ADAMTSL3: variants seen among roughly 807,000 people sequenced by gnomAD.
The protein encoded by ADAMTSL3 is ADAMTS like 3, also known as ADAMTS-like protein 3.
ADAMTSL3 carries 128 observed loss-of-function variants against 201.7 expected under a neutral mutation model. The observed-to-expected ratio is 0.63, with a 90% confidence interval of 0.55 to 0.73. The LOEUF (loss-of-function observed/expected upper bound fraction) is 0.73. Among genes scored for constraint, ADAMTSL3 ranks in the 30% least tolerant of loss-of-function variants. The pLI is 0.00. For missense variants in ADAMTSL3, 1,990 were observed against 2,119.6 expected, an observed-to-expected ratio of 0.94 and a Z score of 1.20; for synonymous variants, 738 against 748.4, an observed-to-expected ratio of 0.99 and a Z score of 0.23.
chr15:84,016,577 G>A, intron 25 of ADAMTSL3, 78 bp downstream of exon 25: 1 of 1,233,206 alleles, frequency 8.1e-7, no homozygotes, highest in Non-Finnish European at 1.2e-6. Flanking sequence ...AAGACCATCT[G>A]TATTTTTCAC....
intron 2 of ADAMTSL3, among the ~76,000 whole-genome samples, chr15:83,657,442 C>T (rs548308969): frequency 2.0e-5 from 3 of 152,292 alleles, no homozygotes; most frequent in South Asian, 2.1e-4. Flanking sequence ...TCATCATTCA[C>T]GCCACTCACT....
At chr15:83,701,612 G>T (rs1460274150) in intron 2 of ADAMTSL3, among the ~76,000 whole-genome samples, 1 of 152,192 alleles carries the variant, frequency 6.6e-6, no homozygotes, top group East Asian at 1.9e-4. Context: ...TCATGGCAGT[G>T]AATAAGTCTC....
chr15:83,671,708 CT>C (rs2061331719), intron 2 of ADAMTSL3, among the ~76,000 whole-genome samples: 1 of 152,188 alleles, frequency 6.6e-6, no homozygotes, highest in Non-Finnish European at 1.5e-5. Flanking sequence ...TTCTCTCCCT[CT>C]GCTTTTGCAC....
chr15:83,852,405 C>G (rs989374981), intron 7 of ADAMTSL3, among the ~76,000 whole-genome samples: 1 of 152,172 alleles, frequency 6.6e-6, no homozygotes, highest in African/African-American at 2.4e-5. Context: ...TGAGCCACTG[C>G]ACCCAGTTGG....
At chr15:83,719,449 CA>C (rs759456568) in intron 3 of ADAMTSL3, among the ~76,000 whole-genome samples, 5 of 152,158 alleles carry the variant, frequency 3.3e-5, no homozygotes, top group Non-Finnish European at 7.4e-5. Context: ...AAACCTACGA[CA>C]ACACTCTTTA....
chr15:83,686,812 C>T (rs2061542739), intron 2 of ADAMTSL3, among the ~76,000 whole-genome samples: 1 of 152,090 alleles, frequency 6.6e-6, no homozygotes, highest in African/African-American at 2.4e-5. Flanking sequence ...AGAACTACTC[C>T]AGGATCTTAT....
At chr15:83,744,321 A>T (rs1010757125) in intron 3 of ADAMTSL3, among the ~76,000 whole-genome samples, 1 of 152,124 alleles carries the variant, frequency 6.6e-6, no homozygotes. Context: ...ATTTTTTTCT[A>T]ATTTACATAC....
chr15:83,677,245 T>C (rs1378868056), intron 2 of ADAMTSL3, among the ~76,000 whole-genome samples: 5 of 152,234 alleles, frequency 3.3e-5, no homozygotes, highest in Non-Finnish European at 5.9e-5. Flanking sequence ...AAATGTGTAT[T>C]CTGCTGTTGT....
At chr15:83,719,930 A>C (rs1340042805) in intron 3 of ADAMTSL3, among the ~76,000 whole-genome samples, 2 of 152,150 alleles carry the variant, frequency 1.3e-5, no homozygotes, top group African/African-American at 4.8e-5. Context: ...TCAAGAGAAA[A>C]AATATTTGGC....
intron 4 of ADAMTSL3, among the ~76,000 whole-genome samples, chr15:83,801,651 A>AATATAAATATATAT (rs1555445598): frequency 2.6e-4 from 8 of 31,246 alleles, no homozygotes; most frequent in East Asian, 9.0e-4. Flanking sequence ...TATAAATATA[A>AATATAAATATATAT]ATATATATAT....
chr15:83,701,117 C>G (rs1207918744), intron 2 of ADAMTSL3, among the ~76,000 whole-genome samples: 1 of 152,132 alleles, frequency 6.6e-6, no homozygotes, highest in Non-Finnish European at 1.5e-5. Context: ...TAGAGTAACA[C>G]CTGTGGCCTC....
chr15:83,837,208 C>T (rs958476024), intron 6 of ADAMTSL3, among the ~76,000 whole-genome samples: 6 of 150,174 alleles, frequency 4.0e-5, no homozygotes, highest in Admixed American at 1.3e-4. Flanking sequence ...ATAATGACAG[C>T]GGTGGAGATA....
At chr15:84,009,146 T>A (rs541530870) in intron 23 of ADAMTSL3, among the ~76,000 whole-genome samples, 10 of 152,250 alleles carry the variant, frequency 6.6e-5, no homozygotes, top group Admixed American at 1.3e-4. Flanking sequence ...GAAACACAAG[T>A]CAGCTCATGC....
rs542022234 is a variant in ADAMTSL3 at position 83,819,693 on chromosome 15, G to T, written c.364-118G>T. 2.8e-4 allele frequency: 194 copies of T among 699,722 alleles called. 2 individuals are homozygous for T. The South Asian group carries it at 3.1e-3, about 11-fold the overall frequency. 43.3% of individuals were successfully genotyped at this position (699,722 alleles called of 1,614,324 possible). ...AAAAAAAAAAAAGAGGGAATTAGGT[G>T]ACTCCCAGAGAGAGGCAAGTGAGGT... On this transcript the variant is annotated intron_variant, in intron 5 of 29. Transcript: ENST00000286744.
chr15:83,722,819 A>G (rs891656499), intron 3 of ADAMTSL3, among the ~76,000 whole-genome samples: 74 of 152,256 alleles, frequency 4.9e-4, no homozygotes, highest in African/African-American at 1.8e-3. Context: ...GTTAATTTAG[A>G]AAAAGTTAAT....
intron 6 of ADAMTSL3, among the ~76,000 whole-genome samples, chr15:83,836,099 A>G (rs185377798): frequency 2.0e-5 from 3 of 152,362 alleles, no homozygotes; most frequent in South Asian, 2.1e-4. Context: ...AAAAATCAGC[A>G]ATTATTAATA....
At chr15:83,830,152 C>T (rs1054110817) in intron 6 of ADAMTSL3, among the ~76,000 whole-genome samples, 1 of 152,044 alleles carries the variant, frequency 6.6e-6, no homozygotes, top group Non-Finnish European at 1.5e-5. Context: ...TGGGTGAGAA[C>T]AGGGGGCATG....
chr15:83,801,350 A>C (rs2063510683), intron 4 of ADAMTSL3, among the ~76,000 whole-genome samples: 1 of 151,772 alleles, frequency 6.6e-6, no homozygotes. Context: ...TCTAAATCTA[A>C]TTAGGGATTG....
At chr15:83,701,682 A>T (rs1013618970) in intron 2 of ADAMTSL3, among the ~76,000 whole-genome samples, 6 of 152,178 alleles carry the variant, frequency 3.9e-5, no homozygotes, top group Admixed American at 2.0e-4. Flanking sequence ...TTCTCTTGCC[A>T]CCATCATGTA....
Sources: allele counts gnomAD v4.1 joint callset (sites outside exome capture counted in the v4.1 genomes callset), GRCh38; gene constraint gnomAD v4.1.1; transcripts MANE v1.5; gene names NCBI Gene and HGNC (gene_info 2026-07-23, HGNC 2026-07-21).